Variants in TMEM230 observed in about 807,000 individuals in gnomAD.
The protein encoded by TMEM230 is UPF0414 transmembrane protein C20orf30.
Under a neutral mutation model 15.8 loss-of-function variants are expected in TMEM230, and 10 were observed. The ratio of observed to expected loss-of-function variants is 0.63; its 90% CI spans 0.39 to 1.07. The LOEUF is 1.07. TMEM230 is among the 50% of genes least tolerant of loss of function. The probability of loss-of-function intolerance (pLI) is 0.01; values close to 1 mark genes in which losing one functional copy is unlikely to be tolerated. For missense variants in TMEM230, 165 were observed against 193.3 expected (o/e 0.85, Z 0.87); for synonymous variants, 67 against 76.9 (o/e 0.87, Z 0.68).
rs2089802271 is a variant in TMEM230 at position 5,100,309 on chromosome 20, C to A, written c.*482G>T. On this transcript the variant is annotated 3_prime_UTR_variant, in exon 5 of 5. Coordinates refer to ENST00000342308, the MANE Select transcript of TMEM230 (RefSeq NM_001009923.2). The stretch of plus-strand genomic sequence containing the variant: ...AAGTAAAAAAAATATTACAGATGAA[C>A]TCACTGATCTTTGATTTTACTAAGG... 1 of 985,490 alleles carries A rather than the reference C, an allele frequency of 1.0e-6. No homozygotes were observed. The highest frequency in any genetic ancestry group is 1.7e-5 in the African/African-American group (1 of 57,342). 61.0% of individuals were successfully genotyped at this position (985,490 alleles called of 1,614,324 possible).
downstream of TMEM230, chr20:5,067,965 A>C (rs2088703617): frequency 6.6e-6 from 1 of 151,868 alleles, no homozygotes; most frequent in Non-Finnish European, 1.5e-5. Context: ...ATGGAGTCTC[A>C]CCGTTATCCA....
chr20:5,095,427 G>A (rs2089638615), downstream of TMEM230, among the ~76,000 whole-genome samples: 1 of 152,134 alleles, frequency 6.6e-6, no homozygotes, highest in African/African-American at 2.4e-5. Flanking sequence ...TCATCTTTGG[G>A]ACTCCTGTCT....
chr20:5,095,180 G>C (rs2089630253), downstream of TMEM230, among the ~76,000 whole-genome samples: 1 of 152,174 alleles, frequency 6.6e-6, no homozygotes, highest in African/African-American at 2.4e-5. Flanking sequence ...GCATTTTCTA[G>C]TTGGCTCTTC....
At chr20:5,095,767 A>C (rs2089648988), downstream of TMEM230, among the ~76,000 whole-genome samples, 1 of 152,222 alleles carries the variant, frequency 6.6e-6, no homozygotes, top group Non-Finnish European at 1.5e-5. Context: ...ATACCGATTT[A>C]GGAGAGGAGC....
At chr20:5,080,310 A>AT (rs1407346816) in intron 3 of TMEM230, among the ~76,000 whole-genome samples, 38 of 152,272 alleles carry the variant, frequency 2.5e-4, no homozygotes, top group East Asian at 1.7e-3. Context: ...ACAAATTATG[A>AT]TTAGTTGCTC....
At chr20:5,065,707 C>T (rs775054162), downstream of TMEM230, among the ~76,000 whole-genome samples, 11 of 152,144 alleles carry the variant, frequency 7.2e-5, no homozygotes, top group Non-Finnish European at 1.5e-4. Context: ...AACGCCTGGG[C>T]TCTGGAGCAG....
downstream of TMEM230, among the ~76,000 whole-genome samples, chr20:5,099,475 T>C (rs1279177264): frequency 6.6e-6 from 1 of 151,720 alleles, no homozygotes; most frequent in Admixed American, 6.6e-5. Flanking sequence ...TTCCTGAGTT[T>C]TTTTTTTTTC....
rs768732396 is a variant in TMEM230 at position 5,100,746 on chromosome 20, C to T, written c.*45G>A. The T allele has an allele frequency of 1.9e-6, 3 of 1,605,976 alleles. No homozygotes were observed. In the South Asian group the frequency reaches 3.3e-5, roughly 18 times the overall value. On this transcript the variant is annotated 3_prime_UTR_variant, in exon 5 of 5. Transcript: ENST00000342308. ...ATAGTTTCTGCTAGATATCTTAAAG[C>T]TGGGACAGTTCCACTGTGACTCCTC...
chr20:5,075,644 G>A (rs1187419931), intron 3 of TMEM230, among the ~76,000 whole-genome samples: 1 of 151,968 alleles, frequency 6.6e-6, no homozygotes, highest in African/African-American at 2.4e-5. Context: ...AGAATCTCTT[G>A]AACCCGTGAG....
chr20:5,059,289 C>T, the TMEM230 span, among the ~76,000 whole-genome samples: 1 of 152,022 alleles, frequency 6.6e-6, no homozygotes, highest in Non-Finnish European at 1.5e-5. Context: ...AACCCCAGTT[C>T]TCCTTTATGG....
chr20:5,061,065 G>C, the TMEM230 span: 1 of 152,090 alleles, frequency 6.6e-6, no homozygotes, highest in Non-Finnish European at 1.5e-5. Context: ...CTCCAAACTT[G>C]CCTTTTAAAA....
At chr20:5,061,077 A>C in the TMEM230 span, 4 of 152,232 alleles carry the variant, frequency 2.6e-5, no homozygotes, top group Non-Finnish European at 5.9e-5. Context: ...CTTTTAAAAA[A>C]CACAATACAG....
chr20:5,089,102 T>C (rs6038064), intron 3 of TMEM230, among the ~76,000 whole-genome samples: 82,691 of 152,090 alleles, frequency 0.54, 23,017 homozygotes, highest in East Asian at 0.84. Context: ...GAGCTGGGTG[T>C]GGTGGCTCAC....
chr20:5,089,046 T>C (rs973864168), intron 3 of TMEM230, among the ~76,000 whole-genome samples: 4 of 152,102 alleles, frequency 2.6e-5, no homozygotes, highest in South Asian at 2.1e-4. Flanking sequence ...TGCTGTAAAA[T>C]GTGAAAAAGG....
At chr20:5,062,518 G>A in the TMEM230 span, among the ~76,000 whole-genome samples, 1 of 152,128 alleles carries the variant, frequency 6.6e-6, no homozygotes, top group East Asian at 1.9e-4. Context: ...CACTTTGAAA[G>A]GCCAAGGCAG....
Position 5,094,704 on chromosome 20 carries a change from C to CAAAAAAA in TMEM230, c.222+11477_222+11483dup, listed in dbSNP as rs774664710. Among the ~76,000 whole-genome samples the CAAAAAAA allele has an allele frequency of 5.4e-4, 33 of 61,584 alleles. 1 individual carries two copies. The highest frequency in any genetic ancestry group is 2.0e-3 in the African/African-American group (28 of 14,274). 40.4% of individuals were successfully genotyped at this position (61,584 alleles called of 152,430 possible). A position where few individuals can be genotyped will look rare whatever the true frequency, so the allele number is the denominator to read the frequency against. ...CCTGGGACAGAGCTAGACTCCATCT[C>CAAAAAAA]AAAAAAAAAAAAAAAAAAAAAAAAT... On this transcript the variant is annotated intron_variant, in intron 3 of 3. Coordinates refer to the TMEM230 transcript ENST00000612323.
intron 3 of TMEM230, among the ~76,000 whole-genome samples, chr20:5,084,999 A>T (rs1312224244): frequency 6.6e-6 from 1 of 152,162 alleles, no homozygotes; most frequent in Non-Finnish European, 1.5e-5. Flanking sequence ...TTTTATTTTT[A>T]AAATAGTCCA....
At chr20:5,107,567 CATTT>C (rs375722149) in intron 3 of TMEM230, among the ~76,000 whole-genome samples, 305 of 152,274 alleles carry the variant, frequency 2.0e-3, no homozygotes, top group African/African-American at 6.6e-3. Context: ...TACAGTCATT[CATTT>C]GTTAGATATA....
intron 3 of TMEM230, among the ~76,000 whole-genome samples, chr20:5,080,781 A>C (rs2089155377): frequency 6.6e-6 from 1 of 152,130 alleles, no homozygotes; most frequent in South Asian, 2.1e-4. Flanking sequence ...GCCTCAGGCG[A>C]TCCACTCACC....
Sources: gnomAD v4.1 joint callset for allele counts (sites outside exome capture counted in the v4.1 genomes callset) on GRCh38, gnomAD v4.1.1 for gene constraint, MANE v1.5 for transcripts, NCBI Gene and HGNC (gene_info 2026-07-23, HGNC 2026-07-21) for gene names.